TTC28: variants seen among roughly 807,000 people sequenced by gnomAD.
The protein encoded by TTC28 is tetratricopeptide repeat domain 28, also known as tetratricopeptide repeat protein 28.
TTC28 carries 61 observed loss-of-function variants against 198.0 expected under a neutral mutation model. The ratio of observed to expected loss-of-function variants is 0.31; its 90% CI spans 0.25 to 0.38. The LOEUF is 0.38. TTC28 is among the 10% of genes least tolerant of loss of function. TTC28 has a pLI of 1.00. For synonymous variants in TTC28, 1,171 were observed against 1,297.8 expected (o/e 0.90, Z 2.10); for missense variants, 2,678 against 3,164.0 (o/e 0.85, Z 3.69).
At chr22:28,292,228 C>T (rs888251168) in intron 5 of TTC28, among the ~76,000 whole-genome samples, 2 of 152,042 alleles carry the variant, frequency 1.3e-5, no homozygotes, top group Non-Finnish European at 2.9e-5. Context: ...CTCTCTCTTG[C>T]CCAGACTGGA....
At chr22:28,251,196 C>T (rs760678220) in intron 5 of TTC28, among the ~76,000 whole-genome samples, 1 of 152,110 alleles carries the variant, frequency 6.6e-6, no homozygotes, top group Non-Finnish European at 1.5e-5. Context: ...CAAAGTCCAA[C>T]TTTCAAAACA....
intron 5 of TTC28, among the ~76,000 whole-genome samples, chr22:28,198,498 T>A (rs1925590276): frequency 6.6e-6 from 1 of 152,170 alleles, no homozygotes; most frequent in Non-Finnish European, 1.5e-5. Context: ...CACAACCATG[T>A]TATGAGATAT....
At chr22:28,385,896 C>G (rs1237712889) in intron 2 of TTC28, among the ~76,000 whole-genome samples, 1 of 152,120 alleles carries the variant, frequency 6.6e-6, no homozygotes, top group Non-Finnish European at 1.5e-5. Context: ...TTTGCTCCAC[C>G]TCTGCCAAAA....
intron 6 of TTC28, among the ~76,000 whole-genome samples, chr22:28,152,988 G>T (rs544066831): frequency 6.6e-6 from 1 of 152,100 alleles, no homozygotes; most frequent in South Asian, 2.1e-4. Flanking sequence ...TCACAGTAAT[G>T]ATTTCATTCA....
chr22:28,178,149 A>G (rs1923347781), intron 5 of TTC28, among the ~76,000 whole-genome samples: 1 of 152,062 alleles, frequency 6.6e-6, no homozygotes, highest in Non-Finnish European at 1.5e-5. Flanking sequence ...GTAAACCTAA[A>G]ACTGCTAGAA....
intron 2 of TTC28, among the ~76,000 whole-genome samples, chr22:28,501,658 C>A (rs1042440703): frequency 6.6e-6 from 1 of 152,032 alleles, no homozygotes; most frequent in Non-Finnish European, 1.5e-5. Flanking sequence ...ATCTTATGTA[C>A]CCCATAAATA....
chr22:28,594,097 C>T (rs1450144400), intron 2 of TTC28, among the ~76,000 whole-genome samples: 2 of 152,034 alleles, frequency 1.3e-5, no homozygotes, highest in Non-Finnish European at 2.9e-5. Context: ...GTACTAGAAG[C>T]TGTGATGAGA....
intron 5 of TTC28, among the ~76,000 whole-genome samples, chr22:28,279,353 A>T (rs1460898111): frequency 1.3e-5 from 2 of 152,198 alleles, no homozygotes; most frequent in Admixed American, 1.3e-4. Flanking sequence ...CACAAATTTT[A>T]AACATACCAT....
intron 6 of TTC28, among the ~76,000 whole-genome samples, chr22:28,128,447 G>A (rs1056373361): frequency 2.0e-5 from 3 of 152,294 alleles, no homozygotes; most frequent in South Asian, 2.1e-4. Flanking sequence ...TAAGAAACAC[G>A]GTAAGGTAAG....
chr22:28,221,475 A>C (rs1303279788), intron 5 of TTC28, among the ~76,000 whole-genome samples: 1 of 152,194 alleles, frequency 6.6e-6, no homozygotes, highest in East Asian at 1.9e-4. Context: ...GGAGCTAAGC[A>C]AGAGAAGACA....
At chr22:28,480,786 A>C (rs944928218) in intron 2 of TTC28, among the ~76,000 whole-genome samples, 5 of 152,170 alleles carry the variant, frequency 3.3e-5, no homozygotes, top group African/African-American at 1.2e-4. Context: ...CAGAAAAAAA[A>C]TACACTTTAC....
rs1344678761 is a variant in TTC28, at chr22:28,332,779, T to C, written c.382-26136A>G. Among the ~76,000 whole-genome samples the C allele has an allele frequency of 3.9e-5, 6 of 152,230 alleles. No homozygotes were observed. The East Asian group carries it at 1.2e-3, about 29-fold the overall frequency. On this transcript the variant is annotated intron_variant, in intron 2 of 22. Coordinates refer to ENST00000397906, the MANE Select transcript of TTC28 (RefSeq NM_001145418.2). The stretch of plus-strand genomic sequence containing the variant: ...TTCCTTTGCAAGATATCTTTTTTAT[T>C]TCCATAAACTTGAAATCTAATGGAA...
intron 2 of TTC28, among the ~76,000 whole-genome samples, chr22:28,529,114 C>T (rs1250266322): frequency 6.6e-6 from 1 of 152,058 alleles, no homozygotes; most frequent in Non-Finnish European, 1.5e-5. Flanking sequence ...GGCAGGGCAT[C>T]GCCTCACCCG....
intron 2 of TTC28, among the ~76,000 whole-genome samples, chr22:28,622,337 C>T (rs867768964): frequency 3.3e-5 from 5 of 152,066 alleles, no homozygotes; most frequent in Admixed American, 6.6e-5. Flanking sequence ...CACACATGTA[C>T]GGAACAAATT....
At chr22:28,026,965 C>T (rs868564633) in intron 13 of TTC28, among the ~76,000 whole-genome samples, 6 of 152,196 alleles carry the variant, frequency 3.9e-5, no homozygotes, top group South Asian at 4.1e-4. Context: ...TTAATACCAA[C>T]GCAGTCCCTG....
rs1325130180 is a variant in TTC28 at position 28,201,913 on chromosome 22, T to C, written c.934-38314A>G. 2.0e-5 allele frequency among the ~76,000 whole-genome samples: 3 copies of C among 152,152 alleles called. No individual in the cohort carries two copies. The East Asian group carries it at 5.8e-4, about 29-fold the overall frequency. On this transcript the variant is annotated intron_variant, in intron 5 of 22. Coordinates refer to ENST00000397906, the MANE Select transcript of TTC28 (RefSeq NM_001145418.2). ...ATAGACATGAGGAATATTTAGGACA[T>C]AGAATTGAATGAAATTAATATTTGT... is the stretch of plus-strand genomic sequence containing the variant.
chr22:28,628,134 G>C (rs1438026362), intron 2 of TTC28, among the ~76,000 whole-genome samples: 3 of 151,712 alleles, frequency 2.0e-5, no homozygotes, highest in Non-Finnish European at 4.4e-5. Flanking sequence ...GGGCTCAAGG[G>C]ATCCTCCCAC....
chr22:28,442,003 C>T (rs1255250679), intron 2 of TTC28, among the ~76,000 whole-genome samples: 1 of 151,912 alleles, frequency 6.6e-6, no homozygotes, highest in Non-Finnish European at 1.5e-5. Context: ...CAGCGGCCAA[C>T]AACTTGAAGA....
chr22:28,031,162 C>T (rs1939058689), intron 12 of TTC28, among the ~76,000 whole-genome samples: 1 of 152,158 alleles, frequency 6.6e-6, no homozygotes, highest in South Asian at 2.1e-4. Context: ...CACTGTGTGC[C>T]CTGATGACAC....
Sources: allele counts gnomAD v4.1 joint callset (sites outside exome capture counted in the v4.1 genomes callset), GRCh38; gene constraint gnomAD v4.1.1; transcripts MANE v1.5; gene names NCBI Gene and HGNC (gene_info 2026-07-23, HGNC 2026-07-21).